The following SLC45A1 variants were observed in gnomAD, a reference collection of about 807,000 sequenced individuals.
SLC45A1 encodes proton-associated sugar transporter A.
SLC45A1 carries 28 observed loss-of-function variants against 57.6 expected under a neutral mutation model. That is an observed-to-expected ratio of 0.49 (90% CI 0.36 to 0.67). The LOEUF is 0.67. SLC45A1 is among the 30% of genes least tolerant of loss of function. SLC45A1 has a pLI of 0.00. For missense variants in SLC45A1, 814 were observed against 1,041.5 expected (o/e 0.78, Z 3.01); for synonymous variants, 459 against 471.5 (o/e 0.97, Z 0.34).
chr1:8,340,084 G>C (rs563973186), intron 8 of SLC45A1, among the ~76,000 whole-genome samples: 2 of 152,258 alleles, frequency 1.3e-5, no homozygotes, highest in East Asian at 3.9e-4. Context: ...AATCCAGATC[G>C]ATAACATGTT....
rs971459217 is a variant in SLC45A1 at position 8,325,103 on chromosome 1, A to T, written c.398-195A>T. ...GGTCCAAAGTGGAGGATTTAAGGAG[A>T]TGCTGAGCAATCCCCAGAGTCTGCT... On this transcript the variant is annotated intron_variant, in intron 2 of 8. Transcript: ENST00000471889. The surrounding 1 kb of genome is among the most constrained non-coding windows in gnomAD (Gnocchi z 6.3). 6.6e-6 allele frequency among the ~76,000 whole-genome samples: 1 copy of T among 152,110 alleles called. No homozygotes were observed. Among genetic ancestry groups the T allele is most frequent in the Non-Finnish European group, 1.5e-5 (1 of 68,000 alleles).
Position 8,325,423 on chromosome 1 carries a change from AG to A in SLC45A1, c.490+35del, listed in dbSNP as rs2124294155. On this transcript the variant is annotated intron_variant, in intron 3 of 8. Transcript: ENST00000471889. The surrounding 1 kb of genome is among the most constrained non-coding windows in gnomAD (Gnocchi z 6.3). ...GTTTTGGCATGGAAATAAAATGGAG[AG>A]GAAAAAAAAAAGGCCCCAACTGCTT... 4 of 1,459,462 alleles carry A rather than the reference AG, an allele frequency of 2.7e-6. No homozygotes were observed. Among genetic ancestry groups the A allele is most frequent in the East Asian group, 4.5e-5 (2 of 44,122 alleles). 90.4% of individuals were successfully genotyped at this position (1,459,462 alleles called of 1,614,324 possible). A position where few individuals can be genotyped will look rare whatever the true frequency, so the allele number is the denominator to read the frequency against.
At chr1:8,333,817 C>T (rs1425032513) in intron 5 of SLC45A1, among the ~76,000 whole-genome samples, 3 of 152,308 alleles carry the variant, frequency 2.0e-5, no homozygotes, top group East Asian at 1.9e-4. Context: ...TTCACGCCTG[C>T]GTACCGTCTC....
At position 8,335,335 on chromosome 1, in the gene SLC45A1, C is replaced by A; in HGVS notation, c.1444-102C>A. 8.5e-7 allele frequency: 1 copy of A among 1,171,280 alleles called. No homozygotes were observed. The highest frequency in any genetic ancestry group is 1.7e-5 in the South Asian group (1 of 59,182). 72.6% of individuals were successfully genotyped at this position (1,171,280 alleles called of 1,614,324 possible). A position where few individuals can be genotyped will look rare whatever the true frequency, so the allele number is the denominator to read the frequency against. ...ATAAGAAGACAGACCCTTGCAGCCT[C>A]CGTGCGGTGTTTCCGAGAGCGCATT... On this transcript the variant is annotated intron_variant, in intron 5 of 8. Transcript: ENST00000471889. This position sits in a 1 kb window ranked among gnomAD's most constrained non-coding sequence, Gnocchi z 4.1.
At position 8,324,641 on chromosome 1, in the gene SLC45A1, G is replaced by C; in HGVS notation, c.312G>C (p.Glu104Asp). 1.2e-6 allele frequency: 2 copies of C among 1,606,884 alleles called. No homozygotes were observed. Among genetic ancestry groups the C allele is most frequent in the African/African-American group, 1.3e-5 (1 of 74,842 alleles). ...LFGIEFSYAM[E>D]TAYVTPVLLQ... ...GCATCGAGTTCAGCTACGCCATGGA[G>C]ACGGCGTACGTGACCCCGGTGCTCC... The change falls in exon 2 of 9, where the codon GAG (glutamate) becomes GAC (aspartate). Residue 104 changes from glutamate to aspartate, a missense_variant. By Grantham distance (45) the Glu-to-Asp change is conservative. Coordinates refer to ENST00000471889, the MANE Select transcript of SLC45A1 (RefSeq NM_001080397.3).
chr1:8,339,549 T>C lies in SLC45A1; in HGVS notation c.1831T>C (p.Tyr611His). The C allele has an allele frequency of 2.5e-6, 4 of 1,614,208 alleles. No individual in the cohort carries two copies. Among genetic ancestry groups the C allele is most frequent in the African/African-American group, 2.7e-5 (2 of 75,060 alleles). The change falls in exon 8 of 9, where the codon TAT (tyrosine) becomes CAT (histidine). Residue 611 changes from tyrosine (Y) to histidine (H), a missense_variant. Physicochemically the swap from Tyr to His is moderately conservative, Grantham distance 83. Transcript: ENST00000471889. ...LSVRTLYFIA[Y>H]LAFGLGTGLA... is the part of the protein sequence containing the mutation. ...CGTCCGCACCCTCTACTTCATCGCC[T>C]ATCTCGCCTTCGGCCTGGGGACCGG...
chr1:8,333,765 G>T (rs1557565208), intron 5 of SLC45A1, among the ~76,000 whole-genome samples: 2 of 152,342 alleles, frequency 1.3e-5, no homozygotes, highest in South Asian at 4.1e-4. Flanking sequence ...GCAGGATGGG[G>T]CCTTTCGTTT....
chr1:8,324,346 G>C lies in SLC45A1; in HGVS notation c.17G>C (p.Ser6Thr). The change falls in exon 2 of 9, where the codon AGC (serine) becomes ACC (threonine). Residue 6 changes from serine (S) to threonine (T), a missense_variant. Physicochemically the swap from Ser to Thr is moderately conservative, Grantham distance 58. Coordinates refer to ENST00000471889, the MANE Select transcript of SLC45A1 (RefSeq NM_001080397.3). ...CTCCCCACGATGATCCCCGCAGCCA[G>C]CAGCACCCCGCCGGGAGATGCCCTC... The part of the protein sequence containing the change: MIPAA[S>T]STPPGDALFP... The C allele has an allele frequency of 6.2e-7, 1 of 1,612,504 alleles. No homozygotes were observed. Among genetic ancestry groups the C allele is most frequent in the African/African-American group, 1.3e-5 (1 of 74,980 alleles).
intron 5 of SLC45A1, among the ~76,000 whole-genome samples, chr1:8,333,552 C>T (rs1640491291): frequency 1.3e-5 from 2 of 152,350 alleles, no homozygotes; most frequent in South Asian, 4.1e-4. Flanking sequence ...CCTCCCATCT[C>T]AGCCTCCTGA....
intron 1 of SLC45A1, among the ~76,000 whole-genome samples, chr1:8,322,034 AG>A (rs1640030286): frequency 1.4e-4 from 1 of 7,296 alleles, no homozygotes; most frequent in African/African-American, 7.4e-4. Context: ...TGGATGGGTG[AG>A]TGGGTGGGTG....
chr1:8,322,030 G>A (rs1435925857), intron 1 of SLC45A1, among the ~76,000 whole-genome samples: 1 of 119,318 alleles, frequency 8.4e-6, no homozygotes, highest in African/African-American at 3.3e-5. Flanking sequence ...TGGATGGATG[G>A]GTGAGTGGGT....
At chr1:8,323,159 C>G (rs923482427) in intron 1 of SLC45A1, among the ~76,000 whole-genome samples, 6 of 152,118 alleles carry the variant, frequency 3.9e-5, no homozygotes, top group South Asian at 4.1e-4. Context: ...TGAACTTGCT[C>G]TCTCCTTACC....
chr1:8,331,534 T>C (rs1409102993), intron 5 of SLC45A1, among the ~76,000 whole-genome samples: 1 of 152,184 alleles, frequency 6.6e-6, no homozygotes, highest in Non-Finnish European at 1.5e-5. Flanking sequence ...CCAACCACTC[T>C]GGAGGCTGAA....
chr1:8,319,003 G>C (rs61785826), intron 1 of SLC45A1, among the ~76,000 whole-genome samples: 2 of 152,136 alleles, frequency 1.3e-5, no homozygotes, highest in Non-Finnish European at 2.9e-5. Flanking sequence ...ATGAGGGGTC[G>C]GGCGCGGTGG....
chr1:8,327,559 C>T lies in SLC45A1; in HGVS notation c.715+1517C>T, dbSNP rs1460652984. On this transcript the variant is annotated intron_variant, in intron 4 of 8. Coordinates refer to ENST00000471889, the MANE Select transcript of SLC45A1 (RefSeq NM_001080397.3). This position sits in a 1 kb window ranked among gnomAD's most constrained non-coding sequence, Gnocchi z 4.3. The stretch of plus-strand genomic sequence containing the variant: ...TGCAGTGGCTCAGGCCTACTCTCAA[C>T]ACTTCGGGAGGCTAAGCCAGGAGGA... Among the ~76,000 whole-genome samples, 1 of 152,186 alleles carries T rather than the reference C, an allele frequency of 6.6e-6. No individual in the cohort carries two copies. Among genetic ancestry groups the T allele is most frequent in the African/African-American group, 2.4e-5 (1 of 41,446 alleles).
chr1:8,324,731 G>A lies in SLC45A1; in HGVS notation c.397+5G>A, dbSNP rs1442224038. On this transcript the variant is annotated splice_donor_5th_base_variant and intron_variant, in intron 2 of 8. Transcript: ENST00000471889. ...GGTTCATCAGCCCCATCCTCGGTGA[G>A]CCCCGGCTCCTCCCCGATGGTGGAG... The A allele has an allele frequency of 6.4e-7, 1 of 1,572,752 alleles. No individual in the cohort carries two copies. Among genetic ancestry groups the A allele is most frequent in the South Asian group, 1.2e-5 (1 of 85,468 alleles).
rs779076880 is a variant in SLC45A1 at position 8,324,566 on chromosome 1, C to T, written c.237C>T (p.His79=). 6.2e-7 allele frequency: 1 copy of T among 1,612,840 alleles called. No individual in the cohort carries two copies. The highest frequency in any genetic ancestry group is 8.5e-7 in the Non-Finnish European group (1 of 1,179,850). Residue 79 remains histidine, a synonymous_variant, in exon 2 of 9, where the codon CAC becomes CAT. Transcript: ENST00000471889. ...AGCTGGTGGACTTCGGGGACCTGCA[C>T]CCCCAGAGGTCCTTCCGGGAGCTGC... ...PLELVDFGDL[H]PQRSFRELLF...
rs1281775355 is a variant in SLC45A1, at chr1:8,328,732, G to A, written c.716-1477G>A. ...TGAGCGCCTGTAATCCCAGCTACTC[G>A]GGAGGCTGAGGCAGGAGAATCACTT... is the stretch of plus-strand genomic sequence containing the variant. On this transcript the variant is annotated intron_variant, in intron 4 of 8. Coordinates refer to ENST00000471889, the MANE Select transcript of SLC45A1 (RefSeq NM_001080397.3). The surrounding 1 kb of genome is among the most constrained non-coding windows in gnomAD (Gnocchi z 4.6). Among the ~76,000 whole-genome samples the A allele has an allele frequency of 1.3e-5, 2 of 152,146 alleles. No homozygotes were observed. Among genetic ancestry groups the A allele is most frequent in the African/African-American group, 4.8e-5 (2 of 41,430 alleles).
intron 6 of SLC45A1, among the ~76,000 whole-genome samples, chr1:8,336,500 A>G (rs1238699028): frequency 1.3e-5 from 2 of 152,086 alleles, no homozygotes. Flanking sequence ...GCAATTTTGT[A>G]ATGGGTGAGA....
Sources: allele counts gnomAD v4.1 joint callset (sites outside exome capture counted in the v4.1 genomes callset), GRCh38; gene constraint gnomAD v4.1.1; non-coding constraint Gnocchi (gnomAD v3.1); transcripts MANE v1.5; gene names NCBI Gene and HGNC (gene_info 2026-07-23, HGNC 2026-07-21).